TNMD: variants seen among roughly 807,000 people sequenced by gnomAD.
The protein encoded by TNMD is tenomodulin, also known as BRICHOS domain containing 4.
In TNMD, 15 loss-of-function variants were observed where a neutral mutation model predicts 26.9. The observed-to-expected ratio is 0.56, with a 90% CI of 0.37 to 0.86. TNMD has a LOEUF of 0.86. Among genes scored for constraint, TNMD ranks in the 40% least tolerant of loss-of-function variants. TNMD has a pLI of 0.00. For synonymous variants in TNMD, 73 were observed against 77.0 expected, an observed-to-expected ratio of 0.95 and a Z score of 0.27; for missense variants, 222 against 242.6, an observed-to-expected ratio of 0.92 and a Z score of 0.56.
intron 2 of TNMD, among the ~76,000 whole-genome samples, chrX:100,590,638 C>CTGG (rs1447493473): frequency 3.6e-5 from 4 of 111,883 alleles, no homozygotes; most frequent in Admixed American, 1.9e-4. Flanking sequence ...ACTGCCTGGA[C>CTGG]TTAACCACAT....
chrX:100,590,978 C>G (rs1333532850), intron 2 of TNMD, among the ~76,000 whole-genome samples: 1 of 111,589 alleles, frequency 9.0e-6, no homozygotes, highest in Non-Finnish European at 1.9e-5. Flanking sequence ...TCACTAATAT[C>G]TAAGTGTGAA....
rs148600139 is a variant in TNMD, at chrX:100,592,789, C to T, written c.181-1106C>T. Among the ~76,000 whole-genome samples, 879 of 112,286 alleles carry T rather than the reference C, an allele frequency of 7.8e-3. 3 individuals carry two copies. The highest frequency in any genetic ancestry group is 0.014 in the Middle Eastern group (3 of 218). On this transcript the variant is annotated intron_variant, in intron 2 of 6. Coordinates refer to ENST00000373031, the MANE Select transcript of TNMD (RefSeq NM_022144.3). ...GTGTAAGTTCTCTATAAGGCTGCCA[C>T]TGGGAACCGTATCATTAGAAAGCAA...
At chrX:100,598,272 G>A (rs1410829724) in intron 5 of TNMD, among the ~76,000 whole-genome samples, 1 of 111,269 alleles carries the variant, frequency 9.0e-6, no homozygotes, top group Non-Finnish European at 1.9e-5. Context: ...ATTCTGCACA[G>A]CATAGATTAC....
At chrX:100,590,945 A>G (rs1056914603) in intron 2 of TNMD, among the ~76,000 whole-genome samples, 5 of 111,845 alleles carry the variant, frequency 4.5e-5, no homozygotes, top group African/African-American at 1.6e-4. Context: ...TTGCACTCAA[A>G]TTTTTAAACA....
intron 4 of TNMD, among the ~76,000 whole-genome samples, chrX:100,595,719 T>C (rs1235848020): frequency 1.8e-5 from 2 of 110,395 alleles, no homozygotes; most frequent in Non-Finnish European, 3.8e-5. Context: ...TTACTAGAAT[T>C]TGCAAGAAAA....
chrX:100,592,263 C>T (rs73630699), intron 2 of TNMD, among the ~76,000 whole-genome samples: 1,254 of 111,932 alleles, frequency 0.011, 13 homozygotes, highest in African/African-American at 0.039. Context: ...TTTGTTGCCA[C>T]AGGTAGAAGT....
intron 4 of TNMD, among the ~76,000 whole-genome samples, chrX:100,596,172 A>G (rs1047122519): frequency 1.8e-5 from 2 of 111,487 alleles, no homozygotes; most frequent in Non-Finnish European, 3.8e-5. Context: ...AAACAAAACA[A>G]AACAAAACAA....
intron 4 of TNMD, among the ~76,000 whole-genome samples, chrX:100,597,164 T>G (rs867386463): frequency 8.9e-6 from 1 of 112,013 alleles, no homozygotes; most frequent in Non-Finnish European, 1.9e-5. Flanking sequence ...AGAAAACAAA[T>G]GTAAATCACT....
rs371711426 is a variant in TNMD, at chrX:100,599,136, G to A, written c.698G>A (p.Arg233His). 17 of 1,201,788 alleles carry A rather than the reference G, an allele frequency of 1.4e-5. No individual in the cohort carries two copies. The highest frequency in any genetic ancestry group is 2.3e-4 in the Middle Eastern group (1 of 4,346). Residue 233 changes from arginine to histidine, a missense_variant, in exon 6 of 7, where the codon CGT becomes CAT. Arg to His is a conservative substitution (Grantham distance 29). Coordinates refer to ENST00000373031, the MANE Select transcript of TNMD (RefSeq NM_022144.3). ...CCTCAAGTGAAAGTAGAGAAGACCC[G>A]TCACGCCAGACAAGCAAGTGAGGAA... ...VVPQVKVEKT[R>H]HARQASEEEL...
At chrX:100,594,144 C>G (rs1424219051) in intron 3 of TNMD, 109 bp downstream of exon 3, 1 of 927,499 alleles carries the variant, frequency 1.1e-6, no homozygotes, top group Non-Finnish European at 1.5e-6. Context: ...GAAAGCTAGC[C>G]TCCTCTAGCT....
chrX:100,599,712 G>T lies in TNMD; in HGVS notation c.949G>T (p.Val317Phe), dbSNP rs1453710957. 3 of 1,209,751 alleles carry T rather than the reference G, an allele frequency of 2.5e-6. No individual in the cohort carries two copies. The highest frequency in any genetic ancestry group is 1.7e-5 in the African/African-American group (1 of 57,700). ...NWWVARMLGR[V>F] is the part of the protein sequence containing the mutation. ...GTGGGTGGCCCGCATGCTGGGGAGG[G>T]TCTAATAGGAGGTTTGAGCTCAAAT... Residue 317 changes from valine (V) to phenylalanine (F), a missense_variant, in exon 7 of 7, where the codon GTC (valine) becomes TTC (phenylalanine). Physicochemically the swap from Val to Phe is conservative, Grantham distance 50. Coordinates refer to ENST00000373031, the MANE Select transcript of TNMD (RefSeq NM_022144.3).
intron 2 of TNMD, among the ~76,000 whole-genome samples, chrX:100,588,995 G>A (rs1393779982): frequency 9.0e-6 from 1 of 111,429 alleles, no homozygotes; most frequent in Non-Finnish European, 1.9e-5. Flanking sequence ...CCACACCTCA[G>A]TTGCAGGTGA....
At chrX:100,587,031 C>T (rs1173540032) in intron 2 of TNMD, among the ~76,000 whole-genome samples, 2 of 112,391 alleles carry the variant, frequency 1.8e-5, no homozygotes, top group African/African-American at 6.5e-5. Context: ...GTCCTTTTGA[C>T]CACCCTTAGA....
intron 2 of TNMD, among the ~76,000 whole-genome samples, chrX:100,592,875 G>C (rs2082941791): frequency 1.8e-5 from 2 of 111,610 alleles, no homozygotes; most frequent in Non-Finnish European, 3.8e-5. Context: ...TTTTTCATAA[G>C]GAAAAATGAA....
chrX:100,591,785 T>C (rs2082938513), intron 2 of TNMD, among the ~76,000 whole-genome samples: 1 of 108,744 alleles, frequency 9.2e-6, no homozygotes, highest in Non-Finnish European at 1.9e-5. Context: ...GGACCCCTTC[T>C]CCCCTACCAA....
Position 100,599,790 on chromosome X carries a change from C to A in TNMD, c.*73C>A. 2 of 989,240 alleles carry A rather than the reference C, an allele frequency of 2.0e-6. No individual in the cohort carries two copies. The highest frequency in any genetic ancestry group is 1.4e-6 in the Non-Finnish European group (1 of 714,817). The allele number at this position is 989,240 out of a possible 1,213,427, so 81.5% of individuals were successfully genotyped here. On this transcript the variant is annotated 3_prime_UTR_variant, in exon 7 of 7. Transcript: ENST00000373031. ...ATGCATGCTATTCAATGAATTTCTG[C>A]CTATGAGGCATCTGGCCCCTGGTAG...
At chrX:100,599,400 T>C (rs886967093) in intron 6 of TNMD, 108 bp from the exon 7 acceptor site, 9 of 762,053 alleles carry the variant, frequency 1.2e-5, no homozygotes, top group African/African-American at 6.4e-5. Flanking sequence ...GCTTAATTTC[T>C]CACAAGCCCC....
At chrX:100,593,577 G>T in intron 2 of TNMD, 1 of 181,459 alleles carries the variant, frequency 5.5e-6, no homozygotes, top group Non-Finnish European at 9.4e-6. Context: ...TGAGGGGCGG[G>T]GCAGTAAGGG....
At chrX:100,595,449 C>CTCTTTCTTTCTT (rs3086928) in intron 4 of TNMD, among the ~76,000 whole-genome samples, 10 of 106,051 alleles carry the variant, frequency 9.4e-5, no homozygotes, top group African/African-American at 2.8e-4. Flanking sequence ...CTATAAAAAC[C>CTCTTTCTTTCTT]TCTTTCTTTC....
Sources: gnomAD v4.1 joint callset for allele counts (sites outside exome capture counted in the v4.1 genomes callset) on GRCh38, gnomAD v4.1.1 for gene constraint, MANE v1.5 for transcripts, NCBI Gene and HGNC (gene_info 2026-07-23, HGNC 2026-07-21) for gene names.